Variants in AGPAT3 observed in about 807,000 individuals in gnomAD.
The protein encoded by AGPAT3 is 1-acylglycerol-3-phosphate O-acyltransferase 3.
AGPAT3 carries 5 observed loss-of-function variants against 47.3 expected under a neutral mutation model. That is an observed-to-expected ratio of 0.11 (90% CI 0.06 to 0.22). The LOEUF is 0.22. AGPAT3 is among the 10% of genes least tolerant of loss of function. The probability of loss-of-function intolerance (pLI) is 1.00; values close to 1 mark genes in which losing one functional copy is unlikely to be tolerated. For synonymous variants in AGPAT3, 212 were observed against 208.3 expected, an observed-to-expected ratio of 1.02 and a Z score of -0.15; for missense variants, 315 against 493.0, an observed-to-expected ratio of 0.64 and a Z score of 3.42.
chr21:43,882,459 C>T (rs2085875288), intron 1 of AGPAT3: 5 of 152,334 alleles, frequency 3.3e-5, no homozygotes, highest in Admixed American at 2.6e-4. Context: ...TAGACTCAGT[C>T]CCTTGCCGGG....
intron 2 of AGPAT3, among the ~76,000 whole-genome samples, chr21:43,917,503 A>T (rs746182145): frequency 1.1e-3 from 162 of 152,160 alleles, no homozygotes; most frequent in Non-Finnish European, 1.8e-3. Context: ...CTGTGACCAA[A>T]ACACAGGTTT....
At chr21:43,967,646 G>A (rs1031738407) in intron 3 of AGPAT3, 12 of 336,044 alleles carry the variant, frequency 3.6e-5, no homozygotes, top group African/African-American at 1.7e-4. Flanking sequence ...GTGGCTGTGC[G>A]GTACTCGGCC....
chr21:43,931,420 A>G (rs1410655226), intron 2 of AGPAT3, among the ~76,000 whole-genome samples: 2 of 152,224 alleles, frequency 1.3e-5, no homozygotes, highest in Non-Finnish European at 2.9e-5. Context: ...TTGAATCAAC[A>G]TACTCGGTTC....
In AGPAT3 at chr21:43,899,511, G is replaced by A. The variant is rs373175890; in HGVS notation, c.-111-4446G>A. On this transcript the variant is annotated intron_variant, in intron 1 of 9. Coordinates refer to ENST00000291572, the MANE Select transcript of AGPAT3 (RefSeq NM_020132.5). The stretch of plus-strand genomic sequence containing the variant: ...CCTCTAAAGGTCTCTTAGAAGGTCT[G>A]AGCGATTCGTGACCGGATCCCCGGG... Among the ~76,000 whole-genome samples, 8 of 152,248 alleles carry A rather than the reference G, an allele frequency of 5.3e-5. No individual in the cohort carries two copies. In the East Asian group the frequency reaches 1.5e-3, roughly 29 times the overall value.
At position 43,956,256 on chromosome 21, in the gene AGPAT3, C is replaced by G. The variant is rs116248302; in HGVS notation, c.-48-3378C>G. Among the ~76,000 whole-genome samples the G allele has an allele frequency of 8.5e-3, 1,289 of 152,320 alleles. 17 individuals carry two copies. Among genetic ancestry groups the G allele is most frequent in the Middle Eastern group, 0.048 (14 of 294 alleles). ...TGCCCAGCGTGTCTGAGGCTCTGCT[C>G]TAAGGGGCCCCTGCCCACCCTGGGG... On this transcript the variant is annotated intron_variant, in intron 2 of 9. Coordinates refer to ENST00000291572, the MANE Select transcript of AGPAT3 (RefSeq NM_020132.5).
chr21:43,959,754 G>T lies in AGPAT3; in HGVS notation c.73G>T (p.Gly25Cys). The change falls in exon 3 of 10, where the codon GGT (glycine) becomes TGT (cysteine). Residue 25 changes from glycine to cysteine, a missense_variant. By Grantham distance (159) the Gly-to-Cys change is radical (BLOSUM62 -3). Transcript: ENST00000291572. ...LLVGFVFVVS[G>C]LVINFVQLCT... is the part of the protein sequence containing the mutation. Reference sequence around the variant, plus strand: ...GGTCGGCTTTGTCTTCGTGGTGAGTGGTCTGGTCATCAACTTCGTCCAGCT... The same window carrying T: ...GGTCGGCTTTGTCTTCGTGGTGAGTTGTCTGGTCATCAACTTCGTCCAGCT... 1 of 1,613,896 alleles carries T rather than the reference G, an allele frequency of 6.2e-7. No individual in the cohort carries two copies. Among genetic ancestry groups the T allele is most frequent in the South Asian group, 1.1e-5 (1 of 91,088 alleles).
intron 2 of AGPAT3, among the ~76,000 whole-genome samples, chr21:43,919,502 C>T (rs370744654): frequency 9.2e-5 from 14 of 152,286 alleles, no homozygotes; most frequent in East Asian, 1.9e-4. Flanking sequence ...AGTAGTATTC[C>T]GTGGTGTATA....
chr21:43,895,377 A>G (rs1206652369), intron 1 of AGPAT3, among the ~76,000 whole-genome samples: 2 of 151,942 alleles, frequency 1.3e-5, no homozygotes, highest in East Asian at 1.9e-4. Flanking sequence ...CCAAAGTGCT[A>G]GGATTACAGG....
At chr21:43,911,103 A>G (rs962303647) in intron 2 of AGPAT3, among the ~76,000 whole-genome samples, 3 of 152,244 alleles carry the variant, frequency 2.0e-5, no homozygotes, top group Non-Finnish European at 4.4e-5. Flanking sequence ...ACACCGACAG[A>G]GTTTCCAAAA....
chr21:43,909,719 C>T (rs1333118985), intron 2 of AGPAT3, among the ~76,000 whole-genome samples: 3 of 152,240 alleles, frequency 2.0e-5, no homozygotes, highest in Non-Finnish European at 2.9e-5. Context: ...GCTCTGCCCT[C>T]GTTGCAGGAG....
chr21:43,892,093 G>A (rs2086113942), intron 1 of AGPAT3, among the ~76,000 whole-genome samples: 1 of 152,116 alleles, frequency 6.6e-6, no homozygotes, highest in Non-Finnish European at 1.5e-5. Context: ...GATCACCTGA[G>A]GTCAGGAGTT....
At position 43,920,287 on chromosome 21, in the gene AGPAT3, AGTGT is replaced by A. The variant is rs1292200405; in HGVS notation, c.-49+16276_-49+16279del. On this transcript the variant is annotated intron_variant, in intron 2 of 9. Transcript: ENST00000291572. This position sits in a 1 kb window ranked among gnomAD's most constrained non-coding sequence, Gnocchi z 6.1. ...TAAAGCGTGAATGTGTCAGTGTGAGAGTGTGTGTGTGCGTGTGAGTGTTGAATGT... is the reference window on the plus strand; with the variant it reads ...TAAAGCGTGAATGTGTCAGTGTGAGAGTGTGTGCGTGTGAGTGTTGAATGT... Among the ~76,000 whole-genome samples the A allele has an allele frequency of 1.3e-5, 2 of 151,416 alleles. No individual in the cohort carries two copies. The highest frequency in any genetic ancestry group is 2.4e-5 in the African/African-American group (1 of 41,142).
intron 2 of AGPAT3, among the ~76,000 whole-genome samples, chr21:43,940,707 A>G (rs2087624110): frequency 6.6e-6 from 1 of 152,226 alleles, no homozygotes; most frequent in Non-Finnish European, 1.5e-5. Context: ...GCTGATTTAC[A>G]TGGTGATCTG....
rs560760785 is a variant in AGPAT3 at position 43,910,487 on chromosome 21, A to C, written c.-49+6468A>C. Among the ~76,000 whole-genome samples the C allele has an allele frequency of 4.9e-4, 75 of 152,226 alleles. 1 individual carries two copies. Among genetic ancestry groups the C allele is most frequent in the East Asian group, 3.9e-4 (2 of 5,194 alleles). On this transcript the variant is annotated intron_variant, in intron 2 of 9. Transcript: ENST00000291572. ...GTGAATTAGTGAATTAGGTGAATAC[A>C]GGTGAATTAGTCCTAATTAGGTGAA...
At chr21:43,980,833 T>C (rs1370143619) in intron 8 of AGPAT3, among the ~76,000 whole-genome samples, 156 bp from the exon 9 acceptor site, 1 of 152,238 alleles carries the variant, frequency 6.6e-6, no homozygotes, top group Non-Finnish European at 1.5e-5. Flanking sequence ...ACAGCCAGCT[T>C]CGCCTGCACC....
At chr21:43,931,931 G>A (rs1370454691) in intron 2 of AGPAT3, among the ~76,000 whole-genome samples, 33 of 67,498 alleles carry the variant, frequency 4.9e-4, no homozygotes, top group African/African-American at 1.7e-4. Flanking sequence ...TCGTGTGTGT[G>A]TGTGTGTGTG....
intron 2 of AGPAT3, among the ~76,000 whole-genome samples, chr21:43,948,950 C>G (rs1225055071): frequency 6.6e-6 from 1 of 152,184 alleles, no homozygotes; most frequent in Non-Finnish European, 1.5e-5. Flanking sequence ...GAAGCATTGA[C>G]TCTTTAGTCT....
At chr21:43,946,431 C>T (rs1407242635) in intron 2 of AGPAT3, among the ~76,000 whole-genome samples, 1 of 152,096 alleles carries the variant, frequency 6.6e-6, no homozygotes, top group Non-Finnish European at 1.5e-5. Flanking sequence ...AAAATCCCTT[C>T]TCTACTAAAA....
Position 43,984,773 on chromosome 21 carries a change from C to T in AGPAT3, c.*2381C>T. 1 of 163,380 alleles carries T rather than the reference C, an allele frequency of 6.1e-6. No homozygotes were observed. The highest frequency in any genetic ancestry group is 1.8e-4 in the East Asian group (1 of 5,488). 10.1% of individuals were successfully genotyped at this position (163,380 alleles called of 1,614,324 possible). On this transcript the variant is annotated 3_prime_UTR_variant, in exon 10 of 10. Transcript: ENST00000291572. The stretch of plus-strand genomic sequence containing the variant: ...TCCTTTACATTTTTTAAATTAAATT[C>T]ATAAATCCCAGAACAGTCTTTTTTT...
Sources: gnomAD v4.1 joint callset for allele counts (sites outside exome capture counted in the v4.1 genomes callset) on GRCh38, gnomAD v4.1.1 for gene constraint, Gnocchi (gnomAD v3.1) non-coding constraint, MANE v1.5 for transcripts, NCBI Gene and HGNC (gene_info 2026-07-23, HGNC 2026-07-21) for gene names.